The following ABCC11 variants were observed in gnomAD, a reference collection of about 807,000 sequenced individuals.
The protein encoded by ABCC11 is ATP-binding cassette sub-family C member 11.
Under a neutral mutation model 149.3 loss-of-function variants are expected in ABCC11, and 135 were observed. The ratio of observed to expected loss-of-function variants is 0.90; its 90% CI spans 0.79 to 1.04. The LOEUF (loss-of-function observed/expected upper bound fraction) is 1.04. Ranked by LOEUF, ABCC11 falls within the 50% of genes least tolerant of loss-of-function variation. The pLI is 0.00. For synonymous variants in ABCC11, 665 were observed against 671.4 expected (o/e 0.99, Z 0.15); for missense variants, 1,680 against 1,722.1 (o/e 0.98, Z 0.43).
At chr16:48,216,719 AAAC>A (rs1969370618) in intron 6 of ABCC11, among the ~76,000 whole-genome samples, 1 of 152,226 alleles carries the variant, frequency 6.6e-6, no homozygotes, top group Admixed American at 6.5e-5. Flanking sequence ...TTACAGAAAG[AAAC>A]AACTTGCTGA....
chr16:48,177,170 C>A, intron 24 of ABCC11, 57 bp from the exon 25 acceptor site: 1 of 1,527,656 alleles, frequency 6.5e-7, no homozygotes. Context: ...CGGCCCATCC[C>A]CTGCGGGCCT....
chr16:48,180,769 G>A (rs374127846), intron 23 of ABCC11, among the ~76,000 whole-genome samples: 4 of 152,178 alleles, frequency 2.6e-5, no homozygotes, highest in African/African-American at 7.2e-5. Context: ...GCTTCTGAAC[G>A]GGGCAGTGAC....
intron 7 of ABCC11, 144 bp downstream of exon 7, chr16:48,215,970 G>C: frequency 2.3e-6 from 2 of 867,922 alleles, no homozygotes; most frequent in African/African-American, 1.7e-5. Context: ...AGAATAGTTT[G>C]AAGTAGGGAG....
In ABCC11 at chr16:48,213,499, C is replaced by A. The variant is rs79436893; in HGVS notation, c.1300G>T (p.Val434Leu). ...GTGAGACCTTTGACTGCAATAGGCA[C>A]AAAGAACACTGACAGCCGAAGGAGA... ...LNLLRLSVFF[V>L]PIAVKGLTNS... is the part of the protein sequence containing the mutation. The change falls in exon 10 of 30, where the codon GTG becomes TTG. Residue 434 changes from valine to leucine, a missense_variant. Coordinates refer to ENST00000356608, the MANE Select transcript of ABCC11 (RefSeq NM_001370497.1). 6.2e-7 allele frequency: 1 copy of A among 1,611,904 alleles called. No homozygotes were observed. The highest frequency in any genetic ancestry group is 8.5e-7 in the Non-Finnish European group (1 of 1,178,996).
At chr16:48,222,514 C>G (rs906661157) in intron 6 of ABCC11, 84 bp downstream of exon 6, 3 of 1,163,578 alleles carry the variant, frequency 2.6e-6, no homozygotes, top group African/African-American at 1.5e-5. Flanking sequence ...ACCCCCTTTT[C>G]TCCCTCTCTT....
intron 1 of ABCC11, among the ~76,000 whole-genome samples, chr16:48,236,585 A>G (rs1970700243): frequency 6.6e-6 from 1 of 152,216 alleles, no homozygotes; most frequent in Non-Finnish European, 1.5e-5. Context: ...TATATGCATA[A>G]CAAATATTCA....
At chr16:48,240,244 A>C (rs1025708158) in intron 1 of ABCC11, among the ~76,000 whole-genome samples, 1 of 145,596 alleles carries the variant, frequency 6.9e-6, no homozygotes, top group African/African-American at 2.4e-5. Context: ...CTGCAGCACT[A>C]GTCACAATAA....
In ABCC11 at chr16:48,225,525, T is replaced by C. The variant is rs1970016571; in HGVS notation, c.396-1096A>G. 1.3e-5 allele frequency among the ~76,000 whole-genome samples: 2 copies of C among 152,088 alleles called. 1 individual carries two copies. The highest frequency in any genetic ancestry group is 4.1e-4 in the South Asian group (2 of 4,836). On this transcript the variant is annotated intron_variant, in intron 4 of 29. Coordinates refer to ENST00000356608, the MANE Select transcript of ABCC11 (RefSeq NM_001370497.1). ...TGCATCTCCATGGTGTTGTCTAACA[T>C]AATTGTTGATCCCTTGTGCTTCCTA...
intron 2 of ABCC11, 147 bp downstream of exon 2, chr16:48,231,676 A>T: frequency 6.2e-6 from 5 of 800,230 alleles, no homozygotes; most frequent in Non-Finnish European, 6.6e-6. Context: ...AAAAAAAAAA[A>T]GAGAGAGAGA....
At chr16:48,233,092 T>G (rs1026069372) in intron 1 of ABCC11, among the ~76,000 whole-genome samples, 1 of 152,090 alleles carries the variant, frequency 6.6e-6, no homozygotes, top group African/African-American at 2.4e-5. Flanking sequence ...TCTCAGCTAC[T>G]TAAGAGGCTG....
At position 48,244,283 on chromosome 16, in the gene ABCC11, A is replaced by G. The variant is rs1971199310; in HGVS notation, c.-19+3031T>C. On this transcript the variant is annotated intron_variant, in intron 1 of 29. Transcript: ENST00000356608. ...GGACGGACCGTAGCGCGTAGCCGGAAGCGGAGGCGTGGAGGCGGGTCTGAG... is the reference window on the plus strand; with the variant it reads ...GGACGGACCGTAGCGCGTAGCCGGAGGCGGAGGCGTGGAGGCGGGTCTGAG... 6 of 771,222 alleles carry G rather than the reference A, an allele frequency of 7.8e-6. No individual in the cohort carries two copies. The South Asian group carries it at 1.2e-4, about 15-fold the overall frequency. 47.8% of individuals were successfully genotyped at this position (771,222 alleles called of 1,614,324 possible). A position where few individuals can be genotyped will look rare whatever the true frequency, so the allele number is the denominator to read the frequency against.
At chr16:48,227,550 T>A (rs1177239485) in intron 4 of ABCC11, among the ~76,000 whole-genome samples, 1 of 151,676 alleles carries the variant, frequency 6.6e-6, no homozygotes, top group Non-Finnish European at 1.5e-5. Context: ...ACAAGCCTTG[T>A]GGTAAGTCTG....
chr16:48,243,243 T>C (rs1302969519), intron 1 of ABCC11, among the ~76,000 whole-genome samples: 6 of 150,920 alleles, frequency 4.0e-5, no homozygotes, highest in South Asian at 2.1e-4. Flanking sequence ...CTACTAAAAA[T>C]ACAAAAAATT....
At chr16:48,185,170 C>T (rs1966682032) in intron 22 of ABCC11, among the ~76,000 whole-genome samples, 1 of 152,088 alleles carries the variant, frequency 6.6e-6, no homozygotes. Context: ...TCCTCCCCAG[C>T]CTTTTGCTAT....
chr16:48,205,562 A>T (rs374871678), intron 12 of ABCC11, 25 bp from the exon 13 acceptor site: 7 of 1,611,636 alleles, frequency 4.3e-6, no homozygotes, highest in African/African-American at 1.3e-5. Flanking sequence ...GTCCAGCCTC[A>T]GGACCAATTG....
In ABCC11 at chr16:48,187,075, GGCCTTCTTGAACA is replaced by G; in HGVS notation, c.2936_2948del (p.Met979ThrfsTer27). The G allele has an allele frequency of 6.2e-7, 1 of 1,614,176 alleles. No individual in the cohort carries two copies. Among genetic ancestry groups the G allele is most frequent in the Non-Finnish European group, 8.5e-7 (1 of 1,180,024 alleles). On this transcript the variant is annotated frameshift_variant and splice_region_variant, in exon 22 of 30. Coordinates refer to ENST00000356608, the MANE Select transcript of ABCC11 (RefSeq NM_001370497.1). LOFTEE classifies it high-confidence loss of function. ...TCTCCAGTCTCTTGAACACACCGAT[GGCCTTCTTGAACA>G]TCCTGCATGGACAGTGGAGGTAAGG...
chr16:48,230,467 C>T lies in ABCC11; in HGVS notation c.206G>A (p.Arg69Lys), dbSNP rs758767540. The T allele has an allele frequency of 4.6e-5, 74 of 1,611,150 alleles. No individual in the cohort carries two copies. Among genetic ancestry groups the T allele is most frequent in the Non-Finnish European group, 5.8e-5 (68 of 1,178,874 alleles). ...CTTGGGACGGAAGGGAATCATGGTT[C>T]TCAAGGCAGCATCATACTTCCCCCA... Reference protein sequence around the residue: ...PPWGKYDAALRTMIPFRPKPR... With the variant: ...PPWGKYDAALKTMIPFRPKPR... The change falls in exon 3 of 30, where the codon AGA becomes AAA. Residue 69 changes from arginine (R) to lysine (K), a missense_variant. Arg to Lys is a conservative substitution (Grantham distance 26, BLOSUM62 2). Transcript: ENST00000356608.
At chr16:48,242,977 C>A (rs531527617) in intron 1 of ABCC11, among the ~76,000 whole-genome samples, 1 of 151,848 alleles carries the variant, frequency 6.6e-6, no homozygotes, top group South Asian at 2.1e-4. Flanking sequence ...GTGCAGCAAA[C>A]CAACATGGCA....
chr16:48,200,401 G>C lies in ABCC11; in HGVS notation c.1957C>G (p.Gln653Glu). The C allele has an allele frequency of 6.2e-7, 1 of 1,614,238 alleles. No homozygotes were observed. The highest frequency in any genetic ancestry group is 8.5e-7 in the Non-Finnish European group (1 of 1,180,030). ...SLARAVYSDR[Q>E]IYLLDDPLSA... ...AGGGGGTCGTCCAGCAGGTAGATCTGACGGTCGGAATAGACGGCGCGGGCC... is the reference window on the plus strand; with the variant it reads ...AGGGGGTCGTCCAGCAGGTAGATCTCACGGTCGGAATAGACGGCGCGGGCC... Residue 653 changes from glutamine (Q) to glutamate (E), a missense_variant, in exon 15 of 30, where the codon CAG (glutamine) becomes GAG (glutamate). Transcript: ENST00000356608.
Sources: allele counts gnomAD v4.1 joint callset (sites outside exome capture counted in the v4.1 genomes callset), GRCh38; gene constraint gnomAD v4.1.1; transcripts MANE v1.5; gene names NCBI Gene and HGNC (gene_info 2026-07-23, HGNC 2026-07-21).